The following LFNG variants were observed in gnomAD, a reference collection of about 807,000 sequenced individuals.
LFNG encodes beta-1,3-N-acetylglucosaminyltransferase lunatic fringe.
A neutral mutation model predicts 32.7 loss-of-function variants in LFNG; 15 were observed. That is an observed-to-expected ratio of 0.46 (90% CI 0.31 to 0.71). The LOEUF (loss-of-function observed/expected upper bound fraction) is 0.71. Among genes scored for constraint, LFNG ranks in the 30% least tolerant of loss-of-function variants. LFNG has a pLI of 0.06. For synonymous variants in LFNG, 274 were observed against 246.8 expected, an observed-to-expected ratio of 1.11 and a Z score of -1.03; for missense variants, 520 against 545.7, an observed-to-expected ratio of 0.95 and a Z score of 0.47.
chr7:2,520,144 G>T lies in LFNG; in HGVS notation c.283G>T (p.Ala95Ser). ...RRDAGPPPGA[A>S]PRPADGHPRP... ...AGATGCGGGCCCGCCGCCCGGGGCT[G>T]CCCCCCGCCCCGCCGACGGCCACCC... Residue 95 changes from alanine to serine, a missense_variant, in exon 1 of 8, where the codon GCC becomes TCC. Physicochemically the swap from Ala to Ser is moderately conservative, Grantham distance 99. Coordinates refer to ENST00000222725, the MANE Select transcript of LFNG (RefSeq NM_001040167.2). The surrounding 1 kb of genome is among the most constrained non-coding windows in gnomAD (Gnocchi z 5.0). 1 of 1,420,444 alleles carries T rather than the reference G, an allele frequency of 7.0e-7. No individual in the cohort carries two copies. Among genetic ancestry groups the T allele is most frequent in the Non-Finnish European group, 9.3e-7 (1 of 1,080,294 alleles). 88.0% of individuals were successfully genotyped at this position (1,420,444 alleles called of 1,614,324 possible).
chr7:2,516,063 G>C (rs1254593547), upstream of LFNG, among the ~76,000 whole-genome samples: 4 of 152,196 alleles, frequency 2.6e-5, no homozygotes, highest in Non-Finnish European at 5.9e-5. Context: ...CTGGCATCTG[G>C]GGGCTTCAAA....
At chr7:2,516,141 C>A (rs1468145205), upstream of LFNG, among the ~76,000 whole-genome samples, 1 of 152,226 alleles carries the variant, frequency 6.6e-6, no homozygotes, top group African/African-American at 2.4e-5. Flanking sequence ...CAGGAGAGGA[C>A]AGGGAGGTGC....
intron 5 of LFNG, 122 bp downstream of exon 5, chr7:2,525,892 A>T: frequency 1.2e-6 from 1 of 864,010 alleles, no homozygotes; most frequent in South Asian, 1.4e-5. Flanking sequence ...CTGCCCACTT[A>T]CTTCCTATAT....
chr7:2,518,138 A>G (rs560704783), upstream of LFNG, among the ~76,000 whole-genome samples: 1 of 152,214 alleles, frequency 6.6e-6, no homozygotes, highest in South Asian at 2.1e-4. Flanking sequence ...GACTCAGCTG[A>G]CTTTGTGGGG....
At chr7:2,524,831 G>T (rs112273873) in intron 2 of LFNG, 88 bp downstream of exon 2, 15 of 1,279,622 alleles carry the variant, frequency 1.2e-5, no homozygotes, top group Non-Finnish European at 1.6e-5. Flanking sequence ...CCTCTGGGCC[G>T]AGAGGTCACC....
rs1779981527 is a variant in LFNG, at chr7:2,526,533, C to G, written c.987+124C>G. 3.7e-6 allele frequency: 4 copies of G among 1,075,140 alleles called. No individual in the cohort carries two copies. The highest frequency in any genetic ancestry group is 4.1e-6 in the Non-Finnish European group (3 of 731,964). The allele number at this position is 1,075,140 out of a possible 1,614,324, so 66.6% of individuals were successfully genotyped here. ...GGGAGGCCAGGCAGCACTCCACTGTCAGCCAGGGGGGGTCACTCCTGCCAT... is the reference window on the plus strand; with the variant it reads ...GGGAGGCCAGGCAGCACTCCACTGTGAGCCAGGGGGGGTCACTCCTGCCAT... On this transcript the variant is annotated intron_variant, in intron 6 of 7. Transcript: ENST00000222725. The surrounding 1 kb of genome is among the most constrained non-coding windows in gnomAD (Gnocchi z 6.9).
At chr7:2,528,730 C>T, downstream of LFNG, 1 of 575,890 alleles carries the variant, frequency 1.7e-6, no homozygotes. Context: ...AGCACAACCC[C>T]AAGGCTCTGG....
upstream of LFNG, chr7:2,517,799 T>G (rs1562550116): frequency 9.1e-7 from 1 of 1,098,964 alleles, no homozygotes; most frequent in East Asian, 6.0e-5. Context: ...GAAACGGGGC[T>G]GGGACTAAGT....
chr7:2,515,644 G>A (rs1779611220), upstream of LFNG, among the ~76,000 whole-genome samples: 2 of 152,246 alleles, frequency 1.3e-5, no homozygotes, highest in Admixed American at 1.3e-4. Flanking sequence ...TGGCTTCACG[G>A]CTGCAGAGCA....
chr7:2,519,884 G>A lies in LFNG; in HGVS notation c.23G>A (p.Arg8His), dbSNP rs1779734129. MLKRCGR[R>H]LLLALAGALL... ...ACCATGCTCAAGCGCTGCGGCCGGC[G>A]CCTGCTGCTGGCGCTGGCGGGCGCG... is the stretch of plus-strand genomic sequence containing the variant. Residue 8 changes from arginine (R) to histidine (H), a missense_variant, in exon 1 of 8, where the codon CGC becomes CAC. Physicochemically the swap from Arg to His is conservative, Grantham distance 29 (BLOSUM62 0). Coordinates refer to ENST00000222725, the MANE Select transcript of LFNG (RefSeq NM_001040167.2). 2.7e-6 allele frequency: 3 copies of A among 1,103,568 alleles called. No individual in the cohort carries two copies. The highest frequency in any genetic ancestry group is 3.3e-6 in the Non-Finnish European group (3 of 901,884). 68.4% of individuals were successfully genotyped at this position (1,103,568 alleles called of 1,614,324 possible).
At chr7:2,517,296 G>A (rs1779651396), upstream of LFNG, among the ~76,000 whole-genome samples, 1 of 152,144 alleles carries the variant, frequency 6.6e-6, no homozygotes, top group African/African-American at 2.4e-5. Context: ...CAAAGCCTGC[G>A]GCCCCCACAA....
At chr7:2,517,810 C>G (rs1170739637), upstream of LFNG, 11 of 1,167,490 alleles carry the variant, frequency 9.4e-6, no homozygotes. Flanking sequence ...GGGACTAAGT[C>G]ACGAGGTGCG....
intron 1 of LFNG, among the ~76,000 whole-genome samples, chr7:2,523,377 C>T (rs973371029): frequency 2.6e-5 from 4 of 152,156 alleles, no homozygotes; most frequent in Non-Finnish European, 5.9e-5. Flanking sequence ...GAGCATGTGC[C>T]CAGGGCTGGG....
At chr7:2,513,023 G>A, upstream of LFNG, 1 of 823,846 alleles carries the variant, frequency 1.2e-6, no homozygotes, top group South Asian at 1.7e-5. Context: ...TCTTTTCCTG[G>A]AAGACTTTCC....
intron 1 of LFNG, among the ~76,000 whole-genome samples, chr7:2,523,946 GGGTGGCTGCAGTGCT>G (rs1404977660): frequency 3.9e-5 from 6 of 152,170 alleles, no homozygotes; most frequent in African/African-American, 1.4e-4. Flanking sequence ...GGCAGCTGTG[GGGTGGCTGCAGTGCT>G]GGTGGCTGCA....
At chr7:2,523,609 CGGCAGGCCCA>C (rs1337234056) in intron 1 of LFNG, 2 of 152,202 alleles carry the variant, frequency 1.3e-5, no homozygotes, top group Non-Finnish European at 2.9e-5. Context: ...CCCCGTGTGC[CGGCAGGCCCA>C]GGCGGGCGCC....
At chr7:2,519,204 T>C (rs970492686), upstream of LFNG, among the ~76,000 whole-genome samples, 2 of 152,134 alleles carry the variant, frequency 1.3e-5, no homozygotes, top group Non-Finnish European at 2.9e-5. Context: ...TGTCCCCACC[T>C]GCGGCACAGG....
chr7:2,520,423 G>A lies in LFNG; in HGVS notation c.432+130G>A, dbSNP rs902945947. 4 of 823,428 alleles carry A rather than the reference G, an allele frequency of 4.9e-6. No individual in the cohort carries two copies. Among genetic ancestry groups the A allele is most frequent in the South Asian group, 3.6e-5 (2 of 56,072 alleles). 51.0% of individuals were successfully genotyped at this position (823,428 alleles called of 1,614,324 possible). A position where few individuals can be genotyped will look rare whatever the true frequency, so the allele number is the denominator to read the frequency against. On this transcript the variant is annotated intron_variant, in intron 1 of 7. Coordinates refer to ENST00000222725, the MANE Select transcript of LFNG (RefSeq NM_001040167.2). The surrounding 1 kb of genome is among the most constrained non-coding windows in gnomAD (Gnocchi z 5.0). ...GCCACTAGGGCCATCTGTGGGCGAC[G>A]CCAGTGCACCCCGGTGCACCCAGTT...
At chr7:2,525,391 C>T (rs775952525) in intron 3 of LFNG, 23 bp from the exon 4 acceptor site, 42 of 1,612,580 alleles carry the variant, frequency 2.6e-5, no homozygotes, top group East Asian at 6.7e-5. Flanking sequence ...TGCCCTCCCC[C>T]GATGGCCCTG....
Sources: allele counts gnomAD v4.1 joint callset (sites outside exome capture counted in the v4.1 genomes callset), GRCh38; gene constraint gnomAD v4.1.1; non-coding constraint Gnocchi (gnomAD v3.1); transcripts MANE v1.5; gene names NCBI Gene and HGNC (gene_info 2026-07-23, HGNC 2026-07-21).